NDUFB10: variants seen among roughly 807,000 people sequenced by gnomAD.
The protein encoded by NDUFB10 is NADH:ubiquinone oxidoreductase subunit B10.
NDUFB10 carries 23 observed loss-of-function variants against 19.0 expected under a neutral mutation model. The observed-to-expected ratio is 1.21, with a 90% confidence interval of 0.87 to 1.71. The LOEUF is 1.71. Ranked by LOEUF, NDUFB10 falls within the 40% of genes most tolerant of loss-of-function variation. The pLI is 0.00. For synonymous variants in NDUFB10, 104 were observed against 81.8 expected (o/e 1.27, Z -1.46); for missense variants, 312 against 230.6 (o/e 1.35, Z -2.29).
intron 1 of NDUFB10, among the ~76,000 whole-genome samples, chr16:1,960,508 A>C (rs936899413): frequency 6.6e-6 from 1 of 152,188 alleles, no homozygotes; most frequent in Non-Finnish European, 1.5e-5. Flanking sequence ...GGCCTGAGCC[A>C]CCGTGTCCAG....
In NDUFB10 at chr16:1,961,009, TAG is replaced by T. The variant is rs1010327629; in HGVS notation, c.131-138_131-137del. 31 of 1,039,310 alleles carry T rather than the reference TAG, an allele frequency of 3.0e-5. No individual in the cohort carries two copies. In the Admixed American group the frequency reaches 5.5e-4, roughly 18 times the overall value. 64.4% of individuals were successfully genotyped at this position (1,039,310 alleles called of 1,614,324 possible). A position where few individuals can be genotyped will look rare whatever the true frequency, so the allele number is the denominator to read the frequency against. ...GGCCTGCCTGGCTGGCCACATCCCT[TAG>T]AGAGACGAATTGCTGTTTTCTAAAC... On this transcript the variant is annotated intron_variant, in intron 1 of 3. Transcript: ENST00000268668.
At position 1,961,310 on chromosome 16, in the gene NDUFB10, G is replaced by T; in HGVS notation, c.269+19G>T. Reference sequence around the variant, plus strand: ...GGGACTAGTACGTGAGCCATGCTGGGAGTGTGGAGATCTGCACCGTGTGCT... The same window carrying T: ...GGGACTAGTACGTGAGCCATGCTGGTAGTGTGGAGATCTGCACCGTGTGCT... On this transcript the variant is annotated intron_variant, in intron 2 of 3. Transcript: ENST00000268668. 1.9e-6 allele frequency: 3 copies of T among 1,613,844 alleles called. No homozygotes were observed. Among genetic ancestry groups the T allele is most frequent in the South Asian group, 2.2e-5 (2 of 91,068 alleles).
chr16:1,961,291 A>T lies in NDUFB10; in HGVS notation c.269A>T (p.Tyr90Phe). 1 of 1,613,984 alleles carries T rather than the reference A, an allele frequency of 6.2e-7. No individual in the cohort carries two copies. Among genetic ancestry groups the T allele is most frequent in the Non-Finnish European group, 8.5e-7 (1 of 1,180,030 alleles). The change falls in exon 2 of 4, where the codon TAC becomes TTC. Residue 90 changes from tyrosine to phenylalanine, a missense_variant and splice_region_variant. Tyr to Phe is a conservative substitution (Grantham distance 22). Coordinates refer to ENST00000268668, the MANE Select transcript of NDUFB10 (RefSeq NM_004548.3). Reference sequence around the variant, plus strand: ...GCCGAAATGCAGTGGAAGAGGGACTAGTACGTGAGCCATGCTGGGAGTGTG... The same window carrying T: ...GCCGAAATGCAGTGGAAGAGGGACTTGTACGTGAGCCATGCTGGGAGTGTG... ...YEAEMQWKRDYKVDQEIINIM... is the reference protein window; with the variant it reads ...YEAEMQWKRDFKVDQEIINIM...
At chr16:1,960,794 C>T (rs1567315626) in intron 1 of NDUFB10, among the ~76,000 whole-genome samples, 1 of 152,238 alleles carries the variant, frequency 6.6e-6, no homozygotes, top group Non-Finnish European at 1.5e-5. Flanking sequence ...AGCCTCTTTG[C>T]GCACCCAGCA....
chr16:1,960,367 G>GCAC (rs1257972217), intron 1 of NDUFB10, among the ~76,000 whole-genome samples: 7 of 152,076 alleles, frequency 4.6e-5, no homozygotes, highest in Non-Finnish European at 8.8e-5. Flanking sequence ...GATTACAGGC[G>GCAC]CACCACCACC....
chr16:1,960,975 G>T (rs753307064), intron 1 of NDUFB10, among the ~76,000 whole-genome samples, 178 bp from the exon 2 acceptor site: 6 of 152,224 alleles, frequency 3.9e-5, no homozygotes, highest in South Asian at 2.1e-4. Flanking sequence ...TGTAGCCTAG[G>T]CCTTCACAGG....
At chr16:1,959,886 C>A in intron 1 of NDUFB10, 132 bp downstream of exon 1, 1 of 1,251,158 alleles carries the variant, frequency 8.0e-7, no homozygotes, top group Non-Finnish European at 1.1e-6. Flanking sequence ...CCGGGGACAA[C>A]TCCCCACCCC....
At position 1,961,927 on chromosome 16, in the gene NDUFB10, C is replaced by T. The variant is rs780202758; in HGVS notation, c.*21C>T. On this transcript the variant is annotated 3_prime_UTR_variant, in exon 4 of 4. Transcript: ENST00000268668. ...CCTGAGGCAGCTGTGGGTGCCCCTG[C>T]TGTGTGGCTCTGTATGACTGTTGCT... is the stretch of plus-strand genomic sequence containing the variant. 4 of 1,541,622 alleles carry T rather than the reference C, an allele frequency of 2.6e-6. No individual in the cohort carries two copies. Among genetic ancestry groups the T allele is most frequent in the African/African-American group, 2.7e-5 (2 of 72,960 alleles).
Position 1,961,483 on chromosome 16 carries a change from C to CT in NDUFB10, c.270-10dup. ...TCCTTGTGATTAGCCTCTCTTGCTC[C>CT]TTTTCTCCACCAGCAAAGTCGACCA... On this transcript the variant is annotated splice_polypyrimidine_tract_variant and intron_variant, in intron 2 of 3. Transcript: ENST00000268668. 1 of 1,613,778 alleles carries CT rather than the reference C, an allele frequency of 6.2e-7. No homozygotes were observed. Among genetic ancestry groups the CT allele is most frequent in the Non-Finnish European group, 8.5e-7 (1 of 1,179,794 alleles).
rs765718162 is a variant in NDUFB10 at position 1,961,797 on chromosome 16, A to G, written c.410A>G (p.Tyr137Cys). The change falls in exon 4 of 4, where the codon TAT (tyrosine) becomes TGT (cysteine). Residue 137 changes from tyrosine (Y) to cysteine (C), a missense_variant and splice_region_variant. Transcript: ENST00000268668. ...TQVAKAYQDRYQDLGAYSSAR... is the reference protein window; with the variant it reads ...TQVAKAYQDRCQDLGAYSSAR... ...CAGCTTGTTTCCATTGCTTCCCCAG[A>G]TCAGGACCTGGGGGCCTACAGTTCT... 2.6e-6 allele frequency: 4 copies of G among 1,552,328 alleles called. No homozygotes were observed. The highest frequency in any genetic ancestry group is 1.4e-5 in the African/African-American group (1 of 73,206).
chr16:1,961,076 G>A (rs2083250595), intron 1 of NDUFB10, 77 bp from the exon 2 acceptor site: 3 of 1,543,496 alleles, frequency 1.9e-6, no homozygotes, highest in African/African-American at 1.4e-5. Context: ...CCCCTCCAAA[G>A]GGCTTATGAG....
chr16:1,961,166 G>T lies in NDUFB10; in HGVS notation c.144G>T (p.Arg48=). Residue 48 remains arginine (R), a synonymous_variant, in exon 2 of 4, where the codon CGG becomes CGT. Coordinates refer to ENST00000268668, the MANE Select transcript of NDUFB10 (RefSeq NM_004548.3). ...TTGTCTTTGCAGAATTTATAGAGCG[G>T]CAGCACGCAAAGAACAGGTATTACT... ...PVTLVREFIE[R]QHAKNRYYYY... is the part of the protein sequence containing the mutation. 1 of 1,614,008 alleles carries T rather than the reference G, an allele frequency of 6.2e-7. No homozygotes were observed.
Position 1,961,857 on chromosome 16 carries a change from TGCTGCAAGAGAGAAAA to T in NDUFB10, c.478_493del (p.Glu160LysfsTer27). ...TGCCTGGCCAAACAGAGGCAGAGGA[TGCTGCAAGAGAGAAAA>T]GCTGCAAAAGAGGCCGCCGCTGCCA... On this transcript the variant is annotated frameshift_variant, in exon 4 of 4. Transcript: ENST00000268668. LOFTEE classifies it high-confidence loss of function. The T allele has an allele frequency of 1.3e-6, 2 of 1,565,782 alleles. No homozygotes were observed. The highest frequency in any genetic ancestry group is 1.7e-6 in the Non-Finnish European group (2 of 1,154,698).
chr16:1,959,754 G>C lies in NDUFB10; in HGVS notation c.130G>C (p.Glu44Gln). 1.9e-6 allele frequency: 3 copies of C among 1,613,072 alleles called. No homozygotes were observed. Among genetic ancestry groups the C allele is most frequent in the Non-Finnish European group, 2.5e-6 (3 of 1,179,650 alleles). Reference protein sequence around the residue: ...IVDRPVTLVREFIERQHAKNR... With the variant: ...IVDRPVTLVRQFIERQHAKNR... The stretch of plus-strand genomic sequence containing the variant: ...GGACCGACCCGTGACCCTCGTGAGA[G>C]GTACGAAGCCCCAGCCCGGGGCTCC... The change falls in exon 1 of 4, where the codon GAA becomes CAA. Residue 44 changes from glutamate (E) to glutamine (Q), a missense_variant and splice_region_variant. Coordinates refer to ENST00000268668, the MANE Select transcript of NDUFB10 (RefSeq NM_004548.3).
At chr16:1,959,808 C>T (rs548672524) in intron 1 of NDUFB10, 54 bp downstream of exon 1, 2 of 1,602,994 alleles carry the variant, frequency 1.2e-6, no homozygotes, top group African/African-American at 1.3e-5. Context: ...CCCCTGGATC[C>T]CACACCCTGC....
rs1185097568 is a variant in NDUFB10, at chr16:1,961,228, C to T, written c.206C>T (p.Thr69Ile). The T allele has an allele frequency of 9.9e-6, 16 of 1,614,008 alleles. No individual in the cohort carries two copies. Among genetic ancestry groups the T allele is most frequent in the Non-Finnish European group, 1.4e-5 (16 of 1,180,046 alleles). Reference protein sequence around the residue: ...HRQYRRVPDITECKEEDIMCM... With the variant: ...HRQYRRVPDIIECKEEDIMCM... ...CAGTACCGCCGCGTGCCAGACATCA[C>T]TGAGTGCAAGGAGGAGGACATCATG... The change falls in exon 2 of 4, where the codon ACT becomes ATT. Residue 69 changes from threonine to isoleucine, a missense_variant. Thr to Ile is a moderately conservative substitution (Grantham distance 89). Transcript: ENST00000268668.
At chr16:1,961,342 A>C in intron 2 of NDUFB10, 51 bp downstream of exon 2, 1 of 1,608,562 alleles carries the variant, frequency 6.2e-7, no homozygotes, top group Non-Finnish European at 8.5e-7. Context: ...TGCTGCTGGG[A>C]CACTAGTCCC....
chr16:1,961,844 C>G lies in NDUFB10; in HGVS notation c.457C>G (p.Gln153Glu), dbSNP rs1393361695. 6 of 1,564,316 alleles carry G rather than the reference C, an allele frequency of 3.8e-6. No individual in the cohort carries two copies. In the South Asian group the frequency reaches 5.9e-5, roughly 15 times the overall value. Reference protein sequence around the residue: ...YSSARKCLAKQRQRMLQERKA... With the variant: ...YSSARKCLAKERQRMLQERKA... Reference sequence around the variant, plus strand: ...TTCTGCCAGGAAGTGCCTGGCCAAACAGAGGCAGAGGATGCTGCAAGAGAG... The same window carrying G: ...TTCTGCCAGGAAGTGCCTGGCCAAAGAGAGGCAGAGGATGCTGCAAGAGAG... The change falls in exon 4 of 4, where the codon CAG becomes GAG. Residue 153 changes from glutamine to glutamate, a missense_variant. Gln to Glu is a conservative substitution (Grantham distance 29). Transcript: ENST00000268668.
In NDUFB10 at chr16:1,961,245, G is replaced by T; in HGVS notation, c.223G>T (p.Asp75Tyr). ...VPDITECKEEDIMCMYEAEMQ... is the reference protein window; with the variant it reads ...VPDITECKEEYIMCMYEAEMQ... ...AGACATCACTGAGTGCAAGGAGGAGGACATCATGTGCATGTATGAAGCCGA... is the reference window on the plus strand; with the variant it reads ...AGACATCACTGAGTGCAAGGAGGAGTACATCATGTGCATGTATGAAGCCGA... The change falls in exon 2 of 4, where the codon GAC becomes TAC. Residue 75 changes from aspartate to tyrosine, a missense_variant. Transcript: ENST00000268668. 1 of 1,614,072 alleles carries T rather than the reference G, an allele frequency of 6.2e-7. No homozygotes were observed. Among genetic ancestry groups the T allele is most frequent in the Non-Finnish European group, 8.5e-7 (1 of 1,180,024 alleles).
Sources: gnomAD v4.1 joint callset for allele counts (sites outside exome capture counted in the v4.1 genomes callset) on GRCh38, gnomAD v4.1.1 for gene constraint, MANE v1.5 for transcripts, NCBI Gene and HGNC (gene_info 2026-07-23, HGNC 2026-07-21) for gene names.